The following CCDC88C variants were observed in gnomAD, a reference collection of about 807,000 sequenced individuals.
The protein encoded by CCDC88C is coiled-coil and HOOK domain protein 88C, also known as protein Daple.
Under a neutral mutation model 198.8 loss-of-function variants are expected in CCDC88C, and 131 were observed. The observed-to-expected ratio is 0.66, with a 90% confidence interval of 0.57 to 0.76. CCDC88C has a LOEUF of 0.76. Ranked by LOEUF, CCDC88C falls within the 30% of genes least tolerant of loss-of-function variation. The pLI is 0.00. For synonymous variants in CCDC88C, 1,166 were observed against 1,114.7 expected, an observed-to-expected ratio of 1.05 and a Z score of -0.92; for missense variants, 2,553 against 2,631.6, an observed-to-expected ratio of 0.97 and a Z score of 0.65.
At chr14:91,412,527 C>T (rs1180958868) in intron 2 of CCDC88C, among the ~76,000 whole-genome samples, 5 of 152,098 alleles carry the variant, frequency 3.3e-5, no homozygotes, top group African/African-American at 9.6e-5. Context: ...CTCTGCCTCC[C>T]GGGTTCATGC....
chr14:91,291,460 G>A (rs978525336), intron 23 of CCDC88C, among the ~76,000 whole-genome samples: 3 of 152,184 alleles, frequency 2.0e-5, no homozygotes, highest in Non-Finnish European at 2.9e-5. Flanking sequence ...GTGACGGGGC[G>A]GGGTTCAGGG....
Position 91,352,634 on chromosome 14 carries a change from T to TAC in CCDC88C, c.340+7007_340+7008insGT, listed in dbSNP as rs746635518. ...CAAAACGTTTTGCAAATATGAAAAT[T>TAC]ATATATATATACACACACACATATA... On this transcript the variant is annotated intron_variant, in intron 4 of 29. Coordinates refer to ENST00000389857, the MANE Select transcript of CCDC88C (RefSeq NM_001080414.4). The surrounding 1 kb of genome is among the most constrained non-coding windows in gnomAD (Gnocchi z 4.2). 2.0e-5 allele frequency among the ~76,000 whole-genome samples: 3 copies of TAC among 152,026 alleles called. No individual in the cohort carries two copies. The highest frequency in any genetic ancestry group is 2.9e-5 in the Non-Finnish European group (2 of 68,000).
At chr14:91,414,142 G>C (rs1019293537) in intron 2 of CCDC88C, among the ~76,000 whole-genome samples, 2 of 152,144 alleles carry the variant, frequency 1.3e-5, no homozygotes, top group Non-Finnish European at 2.9e-5. Flanking sequence ...AAGAATGTGG[G>C]GGAAAAGGTA....
At chr14:91,306,616 T>C (rs1192949965) in intron 18 of CCDC88C, among the ~76,000 whole-genome samples, 2 of 152,210 alleles carry the variant, frequency 1.3e-5, no homozygotes, top group South Asian at 2.1e-4. Flanking sequence ...AGATAGGAAA[T>C]ACTTTTGGGT....
In CCDC88C at chr14:91,303,136, G is replaced by A. The variant is rs908090952; in HGVS notation, c.3635+565C>T. 4.6e-5 allele frequency among the ~76,000 whole-genome samples: 7 copies of A among 152,226 alleles called. No homozygotes were observed. In the East Asian group the frequency reaches 7.7e-4, roughly 17 times the overall value. On this transcript the variant is annotated intron_variant, in intron 20 of 29. Transcript: ENST00000389857. ...AGGTCCAGGGAAGTCCCAGTCCTCC[G>A]CGCAGCCTGACAGACTCCCCAGGCC...
chr14:91,348,370 T>C (rs1893640825), intron 4 of CCDC88C, among the ~76,000 whole-genome samples: 1 of 150,272 alleles, frequency 6.7e-6, no homozygotes, highest in African/African-American at 2.5e-5. Flanking sequence ...GTGCACTATT[T>C]GGGAGGCTGA....
At chr14:91,375,277 G>A (rs1006729919) in intron 3 of CCDC88C, among the ~76,000 whole-genome samples, 3 of 152,146 alleles carry the variant, frequency 2.0e-5, no homozygotes, top group Admixed American at 6.5e-5. Context: ...GTGTGTGCGC[G>A]CGCGCATGTG....
At position 91,345,166 on chromosome 14, in the gene CCDC88C, T is replaced by TTA. The variant is rs758438547; in HGVS notation, c.341-1511_341-1510dup. Among the ~76,000 whole-genome samples, 553 of 100,470 alleles carry TTA rather than the reference T, an allele frequency of 5.5e-3. 11 individuals carry two copies. Among genetic ancestry groups the TTA allele is most frequent in the Middle Eastern group, 0.016 (2 of 126 alleles). 65.9% of individuals were successfully genotyped at this position (100,470 alleles called of 152,430 possible). Reference sequence around the variant, plus strand: ...CCAATACCCCTTCCAGAGGTTCAATTTATATATATATATATATATATATAT... The same window carrying TTA: ...CCAATACCCCTTCCAGAGGTTCAATTTATATATATATATATATATATATATAT... On this transcript the variant is annotated intron_variant, in intron 4 of 29. Coordinates refer to ENST00000389857, the MANE Select transcript of CCDC88C (RefSeq NM_001080414.4).
intron 13 of CCDC88C, among the ~76,000 whole-genome samples, chr14:91,319,855 G>A (rs776165406): frequency 9.2e-5 from 14 of 151,780 alleles, no homozygotes; most frequent in Non-Finnish European, 2.1e-4. Flanking sequence ...GCAAAACCCC[G>A]TCTCTACTAA....
intron 3 of CCDC88C, among the ~76,000 whole-genome samples, chr14:91,377,512 T>C (rs546275466): frequency 1.2e-4 from 18 of 152,262 alleles, no homozygotes; most frequent in Non-Finnish European, 2.4e-4. Flanking sequence ...TCGTCAGTTC[T>C]TGAGAGTCCA....
intron 25 of CCDC88C, among the ~76,000 whole-genome samples, chr14:91,287,454 C>A (rs1404075330): frequency 2.6e-5 from 4 of 152,038 alleles, no homozygotes; most frequent in Non-Finnish European, 5.9e-5. Flanking sequence ...GGGCTCAAGT[C>A]GACTGAGCAG....
Position 91,416,847 on chromosome 14 carries a change from AG to A in CCDC88C, c.61-10del. On this transcript the variant is annotated splice_polypyrimidine_tract_variant and intron_variant, in intron 1 of 29. Transcript: ENST00000389857. ...GGGCCAAAAGTTTTCACCTGCGGGG[AG>A]GGGGACGAGGAGAGAAAGACAGGAA... 2 of 1,599,400 alleles carry A rather than the reference AG, an allele frequency of 1.3e-6. No homozygotes were observed. Among genetic ancestry groups the A allele is most frequent in the Non-Finnish European group, 8.6e-7 (1 of 1,168,608 alleles).
rs1474488551 is a variant in CCDC88C at position 91,288,414 on chromosome 14, G to C, written c.4441+691C>G. ...CAGATAAACCACCCAAGGCTTTCGG[G>C]AGGTCTTATATACATGGAGAACGTG... On this transcript the variant is annotated intron_variant, in intron 25 of 29. Coordinates refer to ENST00000389857, the MANE Select transcript of CCDC88C (RefSeq NM_001080414.4). This position sits in a 1 kb window ranked among gnomAD's most constrained non-coding sequence, Gnocchi z 4.2. Among the ~76,000 whole-genome samples the C allele has an allele frequency of 6.6e-6, 1 of 152,204 alleles. No homozygotes were observed. The highest frequency in any genetic ancestry group is 1.5e-5 in the Non-Finnish European group (1 of 68,046).
At position 91,303,755 on chromosome 14, in the gene CCDC88C, C is replaced by A. The variant is rs756075349; in HGVS notation, c.3581G>T (p.Cys1194Phe). The A allele has an allele frequency of 4.3e-6, 7 of 1,612,510 alleles. No individual in the cohort carries two copies. In the African/African-American group the frequency reaches 9.3e-5, roughly 22 times the overall value. The change falls in exon 20 of 30, where the codon TGC becomes TTC. Residue 1194 changes from cysteine to phenylalanine, a missense_variant. Cys to Phe is a radical substitution (Grantham distance 205). Coordinates refer to ENST00000389857, the MANE Select transcript of CCDC88C (RefSeq NM_001080414.4). Reference protein sequence around the residue: ...EYEALIRQHSCLKTLHRNLEL... With the variant: ...EYEALIRQHSFLKTLHRNLEL... ...CAGATTCCGATGCAGTGTCTTTAGGCAGCTGTGCTGGCGGATGAGGGCCTC... is the reference window on the plus strand; with the variant it reads ...CAGATTCCGATGCAGTGTCTTTAGGAAGCTGTGCTGGCGGATGAGGGCCTC...
At chr14:91,334,120 T>G (rs1035624298) in intron 10 of CCDC88C, among the ~76,000 whole-genome samples, 1 of 152,270 alleles carries the variant, frequency 6.6e-6, no homozygotes, top group Non-Finnish European at 1.5e-5. Context: ...ATGTGCTTTA[T>G]CACATATCCA....
At chr14:91,401,178 A>G (rs938535869) in intron 3 of CCDC88C, among the ~76,000 whole-genome samples, 2 of 149,198 alleles carry the variant, frequency 1.3e-5, no homozygotes, top group Non-Finnish European at 3.0e-5. Context: ...AGGTGTTGAG[A>G]TAACAGGTGA....
intron 5 of CCDC88C, among the ~76,000 whole-genome samples, chr14:91,343,317 T>C (rs1304592306): frequency 1.3e-5 from 2 of 152,196 alleles, no homozygotes; most frequent in Non-Finnish European, 2.9e-5. Context: ...AAGCTGTAGT[T>C]TGCAGATCCT....
At chr14:91,283,729 T>C in intron 25 of CCDC88C, 1 of 588,242 alleles carries the variant, frequency 1.7e-6, no homozygotes, top group South Asian at 2.1e-5. Flanking sequence ...AGAGGCCCCA[T>C]GAGGATGGCT....
intron 2 of CCDC88C, among the ~76,000 whole-genome samples, chr14:91,413,231 A>T (rs1879179945): frequency 6.6e-6 from 1 of 152,176 alleles, no homozygotes; most frequent in Non-Finnish European, 1.5e-5. Context: ...GTCCACACAC[A>T]AACTCAGATC....
Sources: allele counts gnomAD v4.1 joint callset (sites outside exome capture counted in the v4.1 genomes callset), GRCh38; gene constraint gnomAD v4.1.1; non-coding constraint Gnocchi (gnomAD v3.1); transcripts MANE v1.5; gene names NCBI Gene and HGNC (gene_info 2026-07-23, HGNC 2026-07-21).